The following NBEAL1 variants were observed in gnomAD, a reference collection of about 807,000 sequenced individuals.
NBEAL1 encodes the protein neurobeachin-like protein 1.
Under a neutral mutation model 351.3 loss-of-function variants are expected in NBEAL1, and 273 were observed. That is an observed-to-expected ratio of 0.78 (90% CI 0.70 to 0.86). The LOEUF (loss-of-function observed/expected upper bound fraction) is 0.86, where lower values mean the gene tolerates loss of function less well. Among genes scored for constraint, NBEAL1 ranks in the 40% least tolerant of loss-of-function variants. NBEAL1 has a pLI of 0.00. For synonymous variants in NBEAL1, 1,050 were observed against 1,086.4 expected (o/e 0.97, Z 0.66); for missense variants, 2,961 against 3,201.3 (o/e 0.92, Z 1.81).
intron 7 of NBEAL1, among the ~76,000 whole-genome samples, chr2:203,072,873 C>T (rs2061705795): frequency 6.6e-6 from 1 of 152,156 alleles, no homozygotes; most frequent in Non-Finnish European, 1.5e-5. Flanking sequence ...GTAACAAAAT[C>T]TGTCTTAGTC....
At chr2:203,114,492 G>A (rs1449454281) in intron 17 of NBEAL1, among the ~76,000 whole-genome samples, 4 of 152,054 alleles carry the variant, frequency 2.6e-5, no homozygotes, top group Non-Finnish European at 5.9e-5. Flanking sequence ...TTTTCATTTT[G>A]TTTTGGCTTT....
At position 203,084,463 on chromosome 2, in the gene NBEAL1, A is replaced by T. The variant is rs766212167; in HGVS notation, c.992A>T (p.Asn331Ile). The T allele has an allele frequency of 1.4e-6, 2 of 1,434,042 alleles. No individual in the cohort carries two copies. Among genetic ancestry groups the T allele is most frequent in the Non-Finnish European group, 1.8e-6 (2 of 1,084,692 alleles). The allele number at this position is 1,434,042 out of a possible 1,614,324, so 88.8% of individuals were successfully genotyped here. A position where few individuals can be genotyped will look rare whatever the true frequency, so the allele number is the denominator to read the frequency against. The change falls in exon 10 of 56, where the codon AAT becomes ATT. Residue 331 changes from asparagine to isoleucine, a missense_variant and splice_region_variant. Coordinates refer to ENST00000683969, the MANE Select transcript of NBEAL1 (RefSeq NM_001378026.1). The stretch of plus-strand genomic sequence containing the variant: ...GATGATTTTCTTTTTATTTTCCTAG[A>T]TACCATCACAGCCATGTTAGATTGT... ...RFIALQIKMLNTITAMLDCTD... is the reference protein window; with the variant it reads ...RFIALQIKMLITITAMLDCTD...
intron 24 of NBEAL1, among the ~76,000 whole-genome samples, chr2:203,129,830 T>C (rs905774408): frequency 6.6e-6 from 1 of 152,160 alleles, no homozygotes. Flanking sequence ...TAGATATGGT[T>C]CCAACAGGTA....
At chr2:203,215,698 A>G (rs1304951317) in intron 55 of NBEAL1, among the ~76,000 whole-genome samples, 1 of 151,786 alleles carries the variant, frequency 6.6e-6, no homozygotes, top group East Asian at 1.9e-4. Context: ...AAAAAAAAAA[A>G]AAAGAAAAGT....
intron 46 of NBEAL1, among the ~76,000 whole-genome samples, chr2:203,192,201 C>G (rs536382540): frequency 2.6e-5 from 4 of 152,048 alleles, no homozygotes; most frequent in Non-Finnish European, 4.4e-5. Flanking sequence ...AGTCAGAAGG[C>G]GAAAGTAACA....
Position 203,054,210 on chromosome 2 carries a change from G to C in NBEAL1, c.306-2217G>C, listed in dbSNP as rs1350925153. On this transcript the variant is annotated intron_variant, in intron 4 of 55. Transcript: ENST00000683969. Reference sequence around the variant, plus strand: ...GGAGGCTGAGGCGAGTGGATCACTTGAGGTCAGGAGTTCCGGACCAGCCTG... The same window carrying C: ...GGAGGCTGAGGCGAGTGGATCACTTCAGGTCAGGAGTTCCGGACCAGCCTG... Among the ~76,000 whole-genome samples, 4 of 152,246 alleles carry C rather than the reference G, an allele frequency of 2.6e-5. No individual in the cohort carries two copies. The East Asian group carries it at 7.7e-4, about 29-fold the overall frequency.
At chr2:203,125,244 A>T (rs758819697) in intron 19 of NBEAL1, 108 bp from the exon 20 acceptor site, 1 of 805,624 alleles carries the variant, frequency 1.2e-6, no homozygotes, top group Non-Finnish European at 1.8e-6. Flanking sequence ...TATCCTGTAC[A>T]TTGCTCAAAG....
chr2:203,176,864 AAACT>A (rs1385027089), intron 42 of NBEAL1, among the ~76,000 whole-genome samples: 6 of 152,138 alleles, frequency 3.9e-5, no homozygotes, highest in Non-Finnish European at 5.9e-5. Context: ...AAGAAAGTAA[AAACT>A]GGCCAAACAT....
chr2:203,174,889 AT>A (rs1361328345), intron 41 of NBEAL1, among the ~76,000 whole-genome samples: 8 of 150,940 alleles, frequency 5.3e-5, no homozygotes, highest in East Asian at 3.9e-4. Flanking sequence ...AAATAAATAA[AT>A]AAATAAAAAT....
chr2:203,081,151 G>A (rs1002265264), intron 8 of NBEAL1, among the ~76,000 whole-genome samples: 2 of 152,172 alleles, frequency 1.3e-5, no homozygotes, highest in African/African-American at 4.8e-5. Context: ...GTACAAGGGT[G>A]TTTAGAGGAA....
chr2:203,100,060 T>G lies in NBEAL1; in HGVS notation c.1269+348T>G, dbSNP rs572911145. ...TGGCCTCCAGCTCCATCCACATTGT[T>G]GCAAAGGATATGAGGATATGATCTC... On this transcript the variant is annotated intron_variant, in intron 12 of 55. Transcript: ENST00000683969. 3.9e-5 allele frequency among the ~76,000 whole-genome samples: 6 copies of G among 152,286 alleles called. No homozygotes were observed. The East Asian group carries it at 1.2e-3, about 29-fold the overall frequency.
In NBEAL1 at chr2:203,110,247, A is replaced by G. The variant is rs2062535742; in HGVS notation, c.2047A>G (p.Met683Val). The change falls in exon 15 of 56, where the codon ATG becomes GTG. Residue 683 changes from methionine to valine, a missense_variant. Physicochemically the swap from Met to Val is conservative, Grantham distance 21. Transcript: ENST00000683969. ...CACAAAAAGAGAATATGCAACGGTT[A>G]TGCTTCCTGACCACAGTTTCTGTGA... ...VCTKREYATV[M>V]LPDHSFCDSL... The G allele has an allele frequency of 1.9e-6, 3 of 1,552,694 alleles. No homozygotes were observed. Among genetic ancestry groups the G allele is most frequent in the Non-Finnish European group, 2.6e-6 (3 of 1,147,212 alleles).
chr2:203,166,019 C>T (rs1278067830), intron 36 of NBEAL1, 130 bp from the exon 37 acceptor site: 3 of 801,246 alleles, frequency 3.7e-6, no homozygotes, highest in African/African-American at 1.8e-5. Flanking sequence ...TGCACTCCAG[C>T]CTGGGTGACA....
rs769007328 is a variant in NBEAL1 at position 203,108,038 on chromosome 2, A to G, written c.1799A>G (p.Asn600Ser). 1.3e-5 allele frequency: 20 copies of G among 1,553,514 alleles called. No individual in the cohort carries two copies. Among genetic ancestry groups the G allele is most frequent in the Admixed American group, 7.8e-5 (4 of 50,970 alleles). The change falls in exon 14 of 56, where the codon AAT becomes AGT. Residue 600 changes from asparagine to serine, a missense_variant. Asn to Ser is a conservative substitution (Grantham distance 46). Coordinates refer to ENST00000683969, the MANE Select transcript of NBEAL1 (RefSeq NM_001378026.1). The part of the protein sequence containing the change: ...LSLESALQYF[N>S]LSHSMAGISV... The stretch of plus-strand genomic sequence containing the variant: ...CTAGAGAGTGCCCTCCAGTATTTCA[A>G]TTTGTCACATAGTATGGCAGGAATT...
At chr2:203,109,049 G>GA (rs1287731526) in intron 14 of NBEAL1, among the ~76,000 whole-genome samples, 3 of 152,058 alleles carry the variant, frequency 2.0e-5, no homozygotes, top group African/African-American at 2.4e-5. Context: ...CACACACACA[G>GA]AAAAAACACT....
intron 47 of NBEAL1, among the ~76,000 whole-genome samples, chr2:203,196,572 A>G (rs2164036): frequency 1 from 151,971 of 152,344 alleles, 75,800 homozygotes; most frequent in East Asian, 1. Flanking sequence ...TTCACAACGT[A>G]AAGAGAAAAG....
At chr2:203,167,205 A>G in intron 37 of NBEAL1, 22 bp from the exon 38 acceptor site, 4 of 1,594,624 alleles carry the variant, frequency 2.5e-6, no homozygotes, top group Admixed American at 1.8e-5. Context: ...TATCTCAGTC[A>G]CAAGATTTCT....
chr2:203,058,629 T>G (rs549156819), intron 6 of NBEAL1, among the ~76,000 whole-genome samples: 20 of 152,286 alleles, frequency 1.3e-4, no homozygotes, highest in Admixed American at 3.9e-4. Context: ...AGGAACCAAC[T>G]GCCATTACTA....
In NBEAL1 at chr2:203,115,638, C is replaced by T. The variant is rs567979389; in HGVS notation, c.2507-347C>T. On this transcript the variant is annotated intron_variant, in intron 17 of 55. Transcript: ENST00000683969. ...AGAAATGGTGTCTCACCATGTTGCCCAGGCTGGTCTCAAACTCCTGAGCTC... is the reference window on the plus strand; with the variant it reads ...AGAAATGGTGTCTCACCATGTTGCCTAGGCTGGTCTCAAACTCCTGAGCTC... Among the ~76,000 whole-genome samples the T allele has an allele frequency of 1.1e-4, 17 of 152,148 alleles. No individual in the cohort carries two copies. In the East Asian group the frequency reaches 3.1e-3, roughly 28 times the overall value.
Sources: gnomAD v4.1 joint callset for allele counts (sites outside exome capture counted in the v4.1 genomes callset) on GRCh38, gnomAD v4.1.1 for gene constraint, MANE v1.5 for transcripts, NCBI Gene and HGNC (gene_info 2026-07-23, HGNC 2026-07-21) for gene names.